YPEL1: variants seen among roughly 807,000 people sequenced by gnomAD.
The protein encoded by YPEL1 is yippee like 1.
In YPEL1, 7 loss-of-function variants were observed where a neutral mutation model predicts 17.3. That is an observed-to-expected ratio of 0.40 (90% confidence interval 0.23 to 0.76). The LOEUF is 0.76. Ranked by LOEUF, YPEL1 falls within the 30% of genes least tolerant of loss-of-function variation. The probability of loss-of-function intolerance (pLI) is 0.35; values close to 1 mark genes in which losing one functional copy is unlikely to be tolerated. For missense variants in YPEL1, 91 were observed against 155.5 expected (o/e 0.59, Z 2.21); for synonymous variants, 59 against 59.6 (o/e 0.99, Z 0.05).
intron 1 of YPEL1, among the ~76,000 whole-genome samples, chr22:21,719,760 G>A (rs952310292): frequency 6.6e-6 from 1 of 151,970 alleles, no homozygotes; most frequent in Non-Finnish European, 1.5e-5. Flanking sequence ...GGACGCGGTG[G>A]CTCACGCCTG....
intron 1 of YPEL1, among the ~76,000 whole-genome samples, chr22:21,716,834 C>T (rs1027267357): frequency 3.3e-5 from 5 of 152,220 alleles, no homozygotes; most frequent in African/African-American, 1.2e-4. Context: ...GACTCAACAT[C>T]TCAAAGACCT....
Position 21,735,296 on chromosome 22 carries a change from C to G in YPEL1, c.-165+319G>C, listed in dbSNP as rs1485028023. Among the ~76,000 whole-genome samples the G allele has an allele frequency of 3.9e-5, 6 of 152,156 alleles. No homozygotes were observed. In the East Asian group the frequency reaches 1.2e-3, roughly 29 times the overall value. On this transcript the variant is annotated intron_variant, in intron 1 of 4. Coordinates refer to ENST00000339468, the MANE Select transcript of YPEL1 (RefSeq NM_013313.5). ...GCTGTATTTTTTAAGGAAGGAAAAT[C>G]CAAAAATCAGGGATCTTGTCCATTT...
rs959103183 is a variant in YPEL1, at chr22:21,702,529, C to T, written c.270+841G>A. 3.3e-5 allele frequency among the ~76,000 whole-genome samples: 5 copies of T among 152,148 alleles called. No individual in the cohort carries two copies. The East Asian group carries it at 5.8e-4, about 18-fold the overall frequency. On this transcript the variant is annotated intron_variant, in intron 4 of 4. Transcript: ENST00000339468. ...TCAACAAAGGCAGGCAGGCCGGGCGCGGTGGCTCACGCCTGTAATCCCAGC... is the reference window on the plus strand; with the variant it reads ...TCAACAAAGGCAGGCAGGCCGGGCGTGGTGGCTCACGCCTGTAATCCCAGC...
chr22:21,734,647 G>A (rs1256867707), intron 1 of YPEL1, among the ~76,000 whole-genome samples: 1 of 152,052 alleles, frequency 6.6e-6, no homozygotes, highest in African/African-American at 2.4e-5. Flanking sequence ...CCATTGCCTC[G>A]CAAGAGCCCT....
intron 2 of YPEL1, among the ~76,000 whole-genome samples, chr22:21,708,949 C>A (rs952026353): frequency 2.0e-5 from 3 of 152,180 alleles, no homozygotes; most frequent in Non-Finnish European, 4.4e-5. Flanking sequence ...GCTGGGATTA[C>A]AGGGGTGAGC....
At chr22:21,722,798 C>T (rs932707624) in intron 1 of YPEL1, 4 of 152,132 alleles carry the variant, frequency 2.6e-5, no homozygotes, top group African/African-American at 7.2e-5. Context: ...CCACAAAGGA[C>T]ACCTGTGTTA....
chr22:21,718,235 G>A (rs1267851018), intron 1 of YPEL1, among the ~76,000 whole-genome samples: 8 of 151,872 alleles, frequency 5.3e-5, no homozygotes, highest in Non-Finnish European at 1.0e-4. Flanking sequence ...AGGCCAAGGC[G>A]GGTGGATCAT....
rs916619781 is a variant in YPEL1, at chr22:21,697,771, C to T, written c.*3358G>A. The stretch of plus-strand genomic sequence containing the variant: ...AGGGCAGGGGACAGGCCACCAAGGA[C>T]CTTTGGCAAATGAAGGTTTACATTT... On this transcript the variant is annotated 3_prime_UTR_variant, in exon 5 of 5. Transcript: ENST00000339468. The T allele has an allele frequency of 1.3e-5, 2 of 152,430 alleles. No individual in the cohort carries two copies. The highest frequency in any genetic ancestry group is 4.8e-5 in the African/African-American group (2 of 41,570). The allele number at this position is 152,430 out of a possible 1,614,324, so 9.4% of individuals were successfully genotyped here. A position where few individuals can be genotyped will look rare whatever the true frequency, so the allele number is the denominator to read the frequency against.
intron 4 of YPEL1, among the ~76,000 whole-genome samples, chr22:21,702,431 A>G (rs1004788538): frequency 2.0e-5 from 3 of 152,222 alleles, no homozygotes; most frequent in African/African-American, 7.2e-5. Context: ...AGAGATGATC[A>G]GGAATTCAGG....
At chr22:21,711,168 A>ACC (rs2068162179) in intron 1 of YPEL1, among the ~76,000 whole-genome samples, 2 of 152,000 alleles carry the variant, frequency 1.3e-5, no homozygotes, top group Admixed American at 6.6e-5. Context: ...GATTACAGGA[A>ACC]CACGCCACCA....
intron 1 of YPEL1, among the ~76,000 whole-genome samples, chr22:21,725,377 A>G (rs1222433698): frequency 2.6e-5 from 4 of 151,016 alleles, no homozygotes; most frequent in South Asian, 2.1e-4. Context: ...CCGCCACCAC[A>G]CCCGGCTAAT....
chr22:21,725,931 C>A (rs565796172), intron 1 of YPEL1, among the ~76,000 whole-genome samples: 1 of 152,140 alleles, frequency 6.6e-6, no homozygotes, highest in South Asian at 2.1e-4. Context: ...CCGGGGAGGT[C>A]GAGGCTATGG....
intron 1 of YPEL1, among the ~76,000 whole-genome samples, chr22:21,713,579 G>T (rs2068192261): frequency 6.6e-6 from 1 of 152,180 alleles, no homozygotes; most frequent in Non-Finnish European, 1.5e-5. Context: ...AGCTGCCAGG[G>T]GCAGGGGAGT....
In YPEL1 at chr22:21,718,577, G is replaced by C. The variant is rs916893553; in HGVS notation, c.-164-7669C>G. Among the ~76,000 whole-genome samples the C allele has an allele frequency of 2.8e-4, 43 of 152,162 alleles. 2 individuals carry two copies. Among genetic ancestry groups the C allele is most frequent in the Admixed American group, 2.8e-3 (42 of 15,260 alleles). ...CGGAAACAGACCACAGGTGGATACA[G>C]ACAGCACAGAGGAGCTCTGCAGCGC... On this transcript the variant is annotated intron_variant, in intron 1 of 4. Coordinates refer to ENST00000339468, the MANE Select transcript of YPEL1 (RefSeq NM_013313.5).
intron 4 of YPEL1, among the ~76,000 whole-genome samples, chr22:21,702,377 T>A (rs73384103): frequency 6.6e-6 from 1 of 152,052 alleles, no homozygotes; most frequent in South Asian, 2.1e-4. Flanking sequence ...GTTTCCATGG[T>A]GTGAACTGTG....
chr22:21,724,806 C>A (rs2068317983), intron 1 of YPEL1, among the ~76,000 whole-genome samples: 1 of 151,994 alleles, frequency 6.6e-6, no homozygotes, highest in South Asian at 2.1e-4. Context: ...GTCTCAAACT[C>A]CTGGCTCGGG....
At chr22:21,717,344 C>A (rs1183117969) in intron 1 of YPEL1, among the ~76,000 whole-genome samples, 6 of 148,966 alleles carry the variant, frequency 4.0e-5, no homozygotes, top group Non-Finnish European at 5.9e-5. Context: ...CCACTGCACT[C>A]CAGCCTTGGG....
chr22:21,734,082 T>C (rs746993817), intron 1 of YPEL1, among the ~76,000 whole-genome samples: 28 of 152,214 alleles, frequency 1.8e-4, no homozygotes, highest in Non-Finnish European at 3.8e-4. Context: ...TAACCAGTCA[T>C]GGTGGTGTGC....
At chr22:21,725,818 C>A (rs2068330216) in intron 1 of YPEL1, among the ~76,000 whole-genome samples, 1 of 132,554 alleles carries the variant, frequency 7.5e-6, no homozygotes, top group South Asian at 2.6e-4. Context: ...GATAGTGAGA[C>A]CCTGTCTCTA....
Sources: allele counts gnomAD v4.1 joint callset (sites outside exome capture counted in the v4.1 genomes callset), GRCh38; gene constraint gnomAD v4.1.1; transcripts MANE v1.5; gene names NCBI Gene and HGNC (gene_info 2026-07-23, HGNC 2026-07-21).